The following CBLB variants were observed in gnomAD, a reference collection of about 807,000 sequenced individuals.
CBLB encodes E3 ubiquitin-protein ligase CBL-B.
Under a neutral mutation model 104.9 loss-of-function variants are expected in CBLB, and 31 were observed. That is an observed-to-expected ratio of 0.30 (90% CI 0.22 to 0.40). The LOEUF (loss-of-function observed/expected upper bound fraction) is 0.40, where lower values mean the gene tolerates loss of function less well. Ranked by LOEUF, CBLB falls within the 10% of genes least tolerant of loss-of-function variation. CBLB has a pLI of 1.00. For missense variants in CBLB, 1,062 were observed against 1,214.6 expected (o/e 0.87, Z 1.87); for synonymous variants, 440 against 422.6 (o/e 1.04, Z -0.51).
intron 9 of CBLB, among the ~76,000 whole-genome samples, chr3:105,730,933 T>G (rs1179500493): frequency 1.3e-5 from 2 of 152,184 alleles, no homozygotes; most frequent in Admixed American, 6.5e-5. Flanking sequence ...GCTTGACAAT[T>G]ATGTACTTCC....
intron 3 of CBLB, among the ~76,000 whole-genome samples, chr3:105,779,777 C>T (rs1359984268): frequency 6.6e-6 from 1 of 151,914 alleles, no homozygotes; most frequent in Admixed American, 6.6e-5. Context: ...TTATATGACG[C>T]TGTGACTTTT....
intron 4 of CBLB, among the ~76,000 whole-genome samples, chr3:105,774,655 G>T (rs2079244508): frequency 6.6e-6 from 1 of 152,058 alleles, no homozygotes; most frequent in Non-Finnish European, 1.5e-5. Context: ...AGAAATTTCA[G>T]CCCCTTGATG....
At chr3:105,775,497 G>A (rs1004950629) in intron 4 of CBLB, among the ~76,000 whole-genome samples, 3 of 152,064 alleles carry the variant, frequency 2.0e-5, no homozygotes, top group African/African-American at 7.2e-5. Context: ...ACAGACCTTT[G>A]AGACAAGATT....
At chr3:105,786,145 A>G (rs975804328) in intron 3 of CBLB, among the ~76,000 whole-genome samples, 1 of 151,326 alleles carries the variant, frequency 6.6e-6, no homozygotes, top group African/African-American at 2.4e-5. Flanking sequence ...TCTTAGTTCT[A>G]TTAAATTAAA....
At chr3:105,791,401 T>A (rs914568477) in intron 3 of CBLB, among the ~76,000 whole-genome samples, 1 of 152,234 alleles carries the variant, frequency 6.6e-6, no homozygotes, top group Non-Finnish European at 1.5e-5. Context: ...CAGAAATGAT[T>A]CATCTGATAA....
intron 3 of CBLB, among the ~76,000 whole-genome samples, chr3:105,845,008 C>A (rs2090046683): frequency 2.0e-5 from 3 of 152,120 alleles, no homozygotes; most frequent in Non-Finnish European, 4.4e-5. Flanking sequence ...TAAAAGCAGG[C>A]ATTCTTTCTT....
chr3:105,670,954 TTTAA>T (rs2065003722), intron 17 of CBLB: 1 of 168,728 alleles, frequency 5.9e-6, no homozygotes, highest in African/African-American at 2.4e-5. Flanking sequence ...AAATAGTAAA[TTTAA>T]TTGTTAAAAT....
intron 3 of CBLB, among the ~76,000 whole-genome samples, chr3:105,848,244 G>C (rs1044050923): frequency 6.6e-6 from 1 of 152,056 alleles, no homozygotes; most frequent in South Asian, 2.1e-4. Flanking sequence ...AAGGTTTACT[G>C]TATCAGTCGG....
intron 4 of CBLB, among the ~76,000 whole-genome samples, chr3:105,771,598 T>C (rs2078881098): frequency 6.6e-6 from 1 of 152,062 alleles, no homozygotes. Flanking sequence ...CGAACTGTCA[T>C]CATTCACTGA....
At chr3:105,751,339 C>G in intron 5 of CBLB, 123 bp downstream of exon 5, 1 of 768,054 alleles carries the variant, frequency 1.3e-6, no homozygotes, top group Non-Finnish European at 2.3e-6. Flanking sequence ...AGGAATGACA[C>G]TATTTTCCAT....
intron 9 of CBLB, among the ~76,000 whole-genome samples, chr3:105,723,466 C>A (rs1314614067): frequency 2.6e-5 from 4 of 152,096 alleles, no homozygotes; most frequent in African/African-American, 9.7e-5. Context: ...GAATACTATA[C>A]ACAGCTGAAA....
intron 2 of CBLB, among the ~76,000 whole-genome samples, chr3:105,857,939 G>A (rs2091770502): frequency 2.6e-5 from 4 of 152,150 alleles, no homozygotes; most frequent in Admixed American, 2.6e-4. Context: ...AGAGTGTCAG[G>A]AAATACATAC....
At chr3:105,791,923 C>T (rs887386467) in intron 3 of CBLB, among the ~76,000 whole-genome samples, 4 of 152,138 alleles carry the variant, frequency 2.6e-5, no homozygotes, top group Non-Finnish European at 5.9e-5. Flanking sequence ...AGGAATAATA[C>T]AATATCTTGT....
intron 3 of CBLB, among the ~76,000 whole-genome samples, chr3:105,812,010 C>CTT (rs369494317): frequency 6.6e-6 from 1 of 151,228 alleles, no homozygotes. Flanking sequence ...GCCCCATTTC[C>CTT]TTTTTTTTTG....
rs1434498355 is a variant in CBLB, at chr3:105,780,718, G to A, written c.420-4176C>T. On this transcript the variant is annotated intron_variant, in intron 3 of 18. Coordinates refer to ENST00000394030, the MANE Select transcript of CBLB (RefSeq NM_170662.5). ...CGCTCTGTCACCCAGGCTAGAGTGC[G>A]GTGGCGCGATCTCGGCTCACTGCCA... Among the ~76,000 whole-genome samples the A allele has an allele frequency of 2.2e-5, 3 of 134,006 alleles. No homozygotes were observed. The Admixed American group carries it at 2.6e-4, about 12-fold the overall frequency. 87.9% of individuals were successfully genotyped at this position (134,006 alleles called of 152,430 possible). A position where few individuals can be genotyped will look rare whatever the true frequency, so the allele number is the denominator to read the frequency against.
chr3:105,791,165 A>G (rs1043618496), intron 3 of CBLB, among the ~76,000 whole-genome samples: 1 of 152,190 alleles, frequency 6.6e-6, no homozygotes, highest in Non-Finnish European at 1.5e-5. Context: ...ATCCTTATGA[A>G]ATATAATCTA....
intron 10 of CBLB, among the ~76,000 whole-genome samples, chr3:105,711,451 T>C (rs1432955703): frequency 6.6e-6 from 1 of 152,106 alleles, no homozygotes; most frequent in African/African-American, 2.4e-5. Flanking sequence ...TTTAAAATAG[T>C]AGCCTATACA....
In CBLB at chr3:105,732,806, A is replaced by G. The variant is rs372705157; in HGVS notation, c.1203+1203T>C. Among the ~76,000 whole-genome samples the G allele has an allele frequency of 7.2e-5, 11 of 152,310 alleles. No individual in the cohort carries two copies. In the East Asian group the frequency reaches 1.9e-3, roughly 27 times the overall value. On this transcript the variant is annotated intron_variant, in intron 9 of 18. Transcript: ENST00000394030. ...AACTCATGCAGAGATGCAGGGTTGG[A>G]CAAAGAAAATCAAGGACTGAGAGGG... is the stretch of plus-strand genomic sequence containing the variant.
chr3:105,809,008 C>G (rs973215693), intron 3 of CBLB, among the ~76,000 whole-genome samples: 3 of 152,184 alleles, frequency 2.0e-5, no homozygotes, highest in African/African-American at 7.2e-5. Context: ...TAGGAACATT[C>G]ATTCATTCAC....
Sources: gnomAD v4.1 joint callset for allele counts (sites outside exome capture counted in the v4.1 genomes callset) on GRCh38, gnomAD v4.1.1 for gene constraint, MANE v1.5 for transcripts, NCBI Gene and HGNC (gene_info 2026-07-23, HGNC 2026-07-21) for gene names.